DLG2: variants seen among roughly 807,000 people sequenced by gnomAD.
The protein encoded by DLG2 is discs large MAGUK scaffold protein 2.
In DLG2, 45 loss-of-function variants were observed where a neutral mutation model predicts 132.5. The observed-to-expected ratio is 0.34, with a 90% confidence interval of 0.27 to 0.44. The LOEUF (loss-of-function observed/expected upper bound fraction) is 0.44, where lower values mean the gene tolerates loss of function less well. DLG2 is among the 20% of genes least tolerant of loss of function. The pLI is 1.00. For missense variants in DLG2, 1,045 were observed against 1,196.9 expected, an observed-to-expected ratio of 0.87 and a Z score of 1.87; for synonymous variants, 424 against 419.6, an observed-to-expected ratio of 1.01 and a Z score of -0.13.
At chr11:84,702,775 T>C (rs1278112527) in intron 6 of DLG2, among the ~76,000 whole-genome samples, 1 of 151,660 alleles carries the variant, frequency 6.6e-6, no homozygotes, top group Non-Finnish European at 1.5e-5. Flanking sequence ...TGTATATCTA[T>C]TTAAGTCTTC....
chr11:84,087,046 C>G (rs1045393542), intron 10 of DLG2, among the ~76,000 whole-genome samples: 1 of 152,138 alleles, frequency 6.6e-6, no homozygotes, highest in Admixed American at 6.5e-5. Flanking sequence ...CACAATTTAT[C>G]CATTCACCCA....
intron 3 of DLG2, among the ~76,000 whole-genome samples, chr11:85,595,384 C>G (rs546296655): frequency 6.6e-6 from 1 of 152,082 alleles, no homozygotes; most frequent in Non-Finnish European, 1.5e-5. Context: ...AATTCCAATT[C>G]TCTTATATTC....
rs573315452 is a variant in DLG2 at position 84,593,672 on chromosome 11, AG to A, written c.358-58942del. ...GGGGTTGGGAGGCTAGGGAAGTGAT[AG>A]CATTAGCAGAAATACCTAATGTAGA... is the stretch of plus-strand genomic sequence containing the variant. On this transcript the variant is annotated intron_variant, in intron 6 of 27. Transcript: ENST00000376104. Among the ~76,000 whole-genome samples, 120 of 152,336 alleles carry A rather than the reference AG, an allele frequency of 7.9e-4. 3 individuals carry two copies. In the South Asian group the frequency reaches 0.023, roughly 29 times the overall value.
chr11:85,553,982 A>T (rs1213693758), intron 3 of DLG2, among the ~76,000 whole-genome samples: 1 of 151,444 alleles, frequency 6.6e-6, no homozygotes, highest in African/African-American at 2.4e-5. Flanking sequence ...ATATAAAAAT[A>T]TGTGGGTCGC....
intron 7 of DLG2, among the ~76,000 whole-genome samples, chr11:84,319,896 CCTAT>C (rs2098394119): frequency 6.6e-6 from 1 of 152,094 alleles, no homozygotes; most frequent in Non-Finnish European, 1.5e-5. Context: ...ATTCCATACT[CCTAT>C]CTTTCCCTCC....
intron 14 of DLG2, among the ~76,000 whole-genome samples, chr11:83,943,070 A>T (rs1487739957): frequency 6.6e-6 from 1 of 152,196 alleles, no homozygotes; most frequent in Non-Finnish European, 1.5e-5. Context: ...GCCTGCTGCC[A>T]TCCTTGCCTT....
In DLG2 at chr11:85,254,916, G is replaced by C. The variant is rs181128447; in HGVS notation, c.186+30304C>G. On this transcript the variant is annotated intron_variant, in intron 4 of 27. Transcript: ENST00000376104. ...CAGGAGGCTGAGGCAGTAGAATGGCGTGAACCCAGGAGGCGGAGCTTATAG... is the reference window on the plus strand; with the variant it reads ...CAGGAGGCTGAGGCAGTAGAATGGCCTGAACCCAGGAGGCGGAGCTTATAG... 2.0e-5 allele frequency among the ~76,000 whole-genome samples: 3 copies of C among 151,432 alleles called. No individual in the cohort carries two copies. In the East Asian group the frequency reaches 5.8e-4, roughly 29 times the overall value.
chr11:84,680,631 G>T (rs1039314626), intron 6 of DLG2, among the ~76,000 whole-genome samples: 2 of 152,074 alleles, frequency 1.3e-5, no homozygotes, highest in Non-Finnish European at 2.9e-5. Flanking sequence ...ATAAACTTTT[G>T]CTTTGCAGCC....
rs11822925 is a variant in DLG2 at position 85,554,936 on chromosome 11, C to T, written c.40+43721G>A. Among the ~76,000 whole-genome samples, 1,405 of 151,710 alleles carry T rather than the reference C, an allele frequency of 9.3e-3. 27 individuals are homozygous for T. The highest frequency in any genetic ancestry group is 0.03 in the African/African-American group (1,252 of 41,454). On this transcript the variant is annotated intron_variant, in intron 3 of 27. Transcript: ENST00000376104. ...CTGACAGTGCACAAGGATCATTTTC[C>T]ACACACATATGATTTAACTTTCAAC...
At chr11:84,643,359 G>C (rs961668774) in intron 6 of DLG2, among the ~76,000 whole-genome samples, 1 of 152,206 alleles carries the variant, frequency 6.6e-6, no homozygotes, top group African/African-American at 2.4e-5. Flanking sequence ...GAAACAGAGA[G>C]AGCAGTTATA....
At chr11:84,953,782 C>A (rs932036088) in intron 6 of DLG2, among the ~76,000 whole-genome samples, 1 of 152,220 alleles carries the variant, frequency 6.6e-6, no homozygotes. Context: ...TCCTTCAATG[C>A]ATTCCTATTT....
At chr11:85,555,551 C>A (rs2076895937) in intron 3 of DLG2, among the ~76,000 whole-genome samples, 1 of 151,890 alleles carries the variant, frequency 6.6e-6, no homozygotes, top group Non-Finnish European at 1.5e-5. Flanking sequence ...TTTTCCCACC[C>A]ACCTCCAAGT....
intron 3 of DLG2, among the ~76,000 whole-genome samples, chr11:85,401,717 C>G (rs1476384526): frequency 6.6e-6 from 1 of 152,144 alleles, no homozygotes; most frequent in Non-Finnish European, 1.5e-5. Flanking sequence ...AGAGCCAAAT[C>G]ATGAGTGAAC....
chr11:84,398,494 T>C (rs928086049), intron 7 of DLG2, among the ~76,000 whole-genome samples: 1 of 152,210 alleles, frequency 6.6e-6, no homozygotes, highest in African/African-American at 2.4e-5. Context: ...GAAAACTGGG[T>C]ACCTTATAAG....
intron 3 of DLG2, among the ~76,000 whole-genome samples, chr11:85,537,832 C>T (rs1322114771): frequency 5.3e-5 from 8 of 151,918 alleles, no homozygotes; most frequent in Admixed American, 3.9e-4. Flanking sequence ...AACTGTAACA[C>T]GCGGCCAGGC....
At position 85,075,096 on chromosome 11, in the gene DLG2, A is replaced by G. The variant is rs1032767715; in HGVS notation, c.357+36565T>C. Among the ~76,000 whole-genome samples the G allele has an allele frequency of 4.6e-5, 7 of 151,946 alleles. No individual in the cohort carries two copies. The South Asian group carries it at 1.4e-3, about 31-fold the overall frequency. On this transcript the variant is annotated intron_variant, in intron 6 of 27. Transcript: ENST00000376104. ...TGAGGAGTAACACAGGACATTCAAA[A>G]TAAAACTAAAATGGGATGTTATTTT...
intron 6 of DLG2, among the ~76,000 whole-genome samples, chr11:84,636,126 A>AT (rs1008560504): frequency 2.8e-4 from 42 of 152,324 alleles, no homozygotes; most frequent in African/African-American, 1.0e-3. Context: ...GACAATGCAG[A>AT]TTAAGTTTTT....
intron 2 of DLG2, among the ~76,000 whole-genome samples, chr11:85,603,311 T>G (rs1359940850): frequency 6.6e-6 from 1 of 152,180 alleles, no homozygotes; most frequent in African/African-American, 2.4e-5. Flanking sequence ...CCCTACACAC[T>G]ATTTACAAAT....
chr11:84,809,653 A>T (rs1422220317), intron 6 of DLG2, among the ~76,000 whole-genome samples: 2 of 151,998 alleles, frequency 1.3e-5, no homozygotes, highest in African/African-American at 2.4e-5. Flanking sequence ...ACCCAAATTA[A>T]AAATATAATA....
Sources: gnomAD v4.1 joint callset for allele counts (sites outside exome capture counted in the v4.1 genomes callset) on GRCh38, gnomAD v4.1.1 for gene constraint, MANE v1.5 for transcripts, NCBI Gene and HGNC (gene_info 2026-07-23, HGNC 2026-07-21) for gene names.